Variants in SLC39A10 observed in about 807,000 individuals in gnomAD.
The protein encoded by SLC39A10 is zinc transporter ZIP10.
Under a neutral mutation model 65.1 loss-of-function variants are expected in SLC39A10, and 13 were observed. The observed-to-expected ratio is 0.20, with a 90% CI of 0.13 to 0.32. SLC39A10 has a LOEUF of 0.32. Among genes scored for constraint, SLC39A10 ranks in the 10% least tolerant of loss-of-function variants. The pLI, the probability that SLC39A10 is intolerant of heterozygous loss-of-function variation, is 1.00. For synonymous variants in SLC39A10, 321 were observed against 342.2 expected (o/e 0.94, Z 0.68); for missense variants, 831 against 1,018.4 (o/e 0.82, Z 2.50).
chr2:195,735,115 A>T lies in SLC39A10; in HGVS notation c.*74A>T. 1.4e-6 allele frequency: 2 copies of T among 1,448,240 alleles called. No homozygotes were observed. Among genetic ancestry groups the T allele is most frequent in the Non-Finnish European group, 1.8e-6 (2 of 1,087,128 alleles). The allele number at this position is 1,448,240 out of a possible 1,614,324, so 89.7% of individuals were successfully genotyped here. A position where few individuals can be genotyped will look rare whatever the true frequency, so the allele number is the denominator to read the frequency against. On this transcript the variant is annotated 3_prime_UTR_variant, in exon 10 of 10. Transcript: ENST00000359634. ...TGCATCTGTTCCTTGTACTGTATGCACATTGCTCAAAGGAAAGTCAGTGGC... is the reference window on the plus strand; with the variant it reads ...TGCATCTGTTCCTTGTACTGTATGCTCATTGCTCAAAGGAAAGTCAGTGGC...
At chr2:195,717,155 C>G (rs1050255469) in intron 7 of SLC39A10, 150 bp downstream of exon 7, 2 of 1,028,398 alleles carry the variant, frequency 1.9e-6, no homozygotes, top group Non-Finnish European at 2.8e-6. Flanking sequence ...TCAGTTGTTA[C>G]ATTTGGAGGT....
intron 3 of SLC39A10, among the ~76,000 whole-genome samples, chr2:195,690,455 A>G (rs994400198): frequency 1.3e-5 from 2 of 152,294 alleles, no homozygotes; most frequent in East Asian, 3.9e-4. Flanking sequence ...AGGAACTGCC[A>G]TACTATTTTC....
At position 195,713,703 on chromosome 2, in the gene SLC39A10, C is replaced by T. The variant is rs1481841225; in HGVS notation, c.1696+150C>T. On this transcript the variant is annotated intron_variant, in intron 6 of 9. Transcript: ENST00000359634. ...TGAAAAGCAGAAAAGGTGTTACCCT[C>T]ATAGCACTCTTAATAAGGCAGCTGA... The T allele has an allele frequency of 7.3e-6, 7 of 961,370 alleles. No homozygotes were observed. In the East Asian group the frequency reaches 1.3e-4, roughly 17 times the overall value. The allele number at this position is 961,370 out of a possible 1,614,324, so 59.6% of individuals were successfully genotyped here. A position where few individuals can be genotyped will look rare whatever the true frequency, so the allele number is the denominator to read the frequency against.
At chr2:195,615,519 C>T (rs1203758577) in intron 2 of SLC39A10, among the ~76,000 whole-genome samples, 1 of 152,144 alleles carries the variant, frequency 6.6e-6, no homozygotes, top group Non-Finnish European at 1.5e-5. Flanking sequence ...CACCCCATCC[C>T]ACCTCCCTGG....
Position 195,732,822 on chromosome 2 carries a change from G to A in SLC39A10, c.2338-2061G>A, listed in dbSNP as rs566562165. Among the ~76,000 whole-genome samples, 4 of 152,272 alleles carry A rather than the reference G, an allele frequency of 2.6e-5. No homozygotes were observed. The South Asian group carries it at 8.3e-4, about 32-fold the overall frequency. On this transcript the variant is annotated intron_variant, in intron 9 of 9. Transcript: ENST00000359634. ...GGTAGTGTGTGGTTCCTGGGACAGC[G>A]CCTCTGCTGTTGTAGCACAAAAGCT...
intron 3 of SLC39A10, among the ~76,000 whole-genome samples, chr2:195,698,483 G>A (rs1273459968): frequency 6.6e-6 from 1 of 151,956 alleles, no homozygotes; most frequent in African/African-American, 2.4e-5. Context: ...ATTATGTAAG[G>A]TTGTTTCTGT....
intron 2 of SLC39A10, among the ~76,000 whole-genome samples, chr2:195,629,337 T>C (rs532042637): frequency 1.7e-4 from 24 of 142,356 alleles, no homozygotes; most frequent in African/African-American, 5.0e-4. Context: ...GAGGTTGCAG[T>C]GAGCCGAGAT....
chr2:195,654,227 C>T (rs1689102798), upstream of SLC39A10, among the ~76,000 whole-genome samples: 1 of 152,190 alleles, frequency 6.6e-6, no homozygotes, highest in African/African-American at 2.4e-5. Flanking sequence ...GCGTGAGCCA[C>T]CACGCCTGGC....
At chr2:195,734,762 A>G in intron 9 of SLC39A10, 121 bp from the exon 10 acceptor site, 1 of 952,960 alleles carries the variant, frequency 1.0e-6, no homozygotes. Flanking sequence ...GTTCAATAAA[A>G]TAATTATTTT....
At chr2:195,623,939 A>ACC (rs1553491553) in intron 2 of SLC39A10, among the ~76,000 whole-genome samples, 77 of 141,046 alleles carry the variant, frequency 5.5e-4, no homozygotes, top group Admixed American at 4.5e-3. Context: ...ACACACACAC[A>ACC]CCGTCTTAGA....
At chr2:195,692,402 G>A (rs2105789111) in intron 3 of SLC39A10, among the ~76,000 whole-genome samples, 1 of 151,964 alleles carries the variant, frequency 6.6e-6, no homozygotes, top group African/African-American at 2.4e-5. Context: ...GTATTTTGAT[G>A]GAAATTGCAT....
intron 8 of SLC39A10, among the ~76,000 whole-genome samples, chr2:195,726,686 A>G (rs1200365691): frequency 6.6e-6 from 1 of 152,134 alleles, no homozygotes; most frequent in Non-Finnish European, 1.5e-5. Flanking sequence ...AGTTTGTAGC[A>G]ATTTGTTGGA....
chr2:195,726,538 G>A (rs1193682805), intron 8 of SLC39A10, among the ~76,000 whole-genome samples: 1 of 152,100 alleles, frequency 6.6e-6, no homozygotes, highest in African/African-American at 2.4e-5. Context: ...GGAGAATTAA[G>A]GTATTTAGGA....
intron 2 of SLC39A10, among the ~76,000 whole-genome samples, chr2:195,615,895 T>C (rs1322525452): frequency 6.6e-6 from 1 of 152,238 alleles, no homozygotes; most frequent in Non-Finnish European, 1.5e-5. Flanking sequence ...CATTCTGCTT[T>C]CTAATTATGT....
intron 1 of SLC39A10, 94 bp from the exon 2 acceptor site, chr2:195,679,936 CTT>C (rs1317828554): frequency 2.8e-6 from 3 of 1,058,824 alleles, no homozygotes; most frequent in Middle Eastern, 2.3e-4. Flanking sequence ...TGGAGTAAAA[CTT>C]TTTTTAGTGG....
intron 1 of SLC39A10, among the ~76,000 whole-genome samples, chr2:195,664,992 G>C (rs901192334): frequency 3.3e-5 from 5 of 152,090 alleles, no homozygotes; most frequent in Admixed American, 2.6e-4. Context: ...AGACCATCCT[G>C]GGCAACATAG....
chr2:195,644,890 C>CTTTATTTATTTATTTA (rs55931319), intron 2 of SLC39A10, among the ~76,000 whole-genome samples: 2,018 of 138,192 alleles, frequency 0.015, 50 homozygotes, highest in Admixed American at 0.066. Context: ...AATCTAACTA[C>CTTTATTTATTTATTTA]TTTATTTATT....
chr2:195,634,837 C>G (rs1252050484), intron 2 of SLC39A10, among the ~76,000 whole-genome samples: 1 of 152,048 alleles, frequency 6.6e-6, no homozygotes, highest in African/African-American at 2.4e-5. Flanking sequence ...CACTTGAAGT[C>G]AGGAGTTCAA....
Position 195,657,289 on chromosome 2 carries a change from T to C in SLC39A10, c.-12+8T>C. The C allele has an allele frequency of 1.4e-6, 1 of 724,018 alleles. No individual in the cohort carries two copies. Among genetic ancestry groups the C allele is most frequent in the Non-Finnish European group, 1.7e-6 (1 of 591,062 alleles). The allele number at this position is 724,018 out of a possible 1,614,324, so 44.8% of individuals were successfully genotyped here. ...ACGGCACTCGAGTGTGAGGTAACTA[T>C]AAAACCCCGATTTGTTTACATTCCC... On this transcript the variant is annotated splice_region_variant and intron_variant, in intron 1 of 9. Transcript: ENST00000359634.
Sources: gnomAD v4.1 joint callset for allele counts (sites outside exome capture counted in the v4.1 genomes callset) on GRCh38, gnomAD v4.1.1 for gene constraint, MANE v1.5 for transcripts, NCBI Gene and HGNC (gene_info 2026-07-23, HGNC 2026-07-21) for gene names.